The following SEC61A2 variants were observed in gnomAD, a reference collection of about 807,000 sequenced individuals.
SEC61A2 encodes SEC61 translocon subunit alpha 2.
A neutral mutation model predicts 59.9 loss-of-function variants in SEC61A2; 28 were observed. The observed-to-expected ratio is 0.47, with a 90% confidence interval of 0.35 to 0.64. The LOEUF is 0.64. SEC61A2 is among the 30% of genes least tolerant of loss of function. The pLI is 0.01. For missense variants in SEC61A2, 340 were observed against 585.9 expected, an observed-to-expected ratio of 0.58 and a Z score of 4.33; for synonymous variants, 202 against 214.4, an observed-to-expected ratio of 0.94 and a Z score of 0.50.
At chr10:12,157,769 G>C (rs1186088819) in intron 8 of SEC61A2, 139 bp from the exon 9 acceptor site, 1 of 729,244 alleles carries the variant, frequency 1.4e-6, no homozygotes, top group East Asian at 2.7e-5. Flanking sequence ...CCAAAGTGTT[G>C]GGATTACAGG....
chr10:12,135,509 T>C (rs375957976), intron 2 of SEC61A2, among the ~76,000 whole-genome samples: 1 of 152,232 alleles, frequency 6.6e-6, no homozygotes, highest in East Asian at 1.9e-4. Context: ...TTTTGTTACA[T>C]GAATGTATTA....
At position 12,160,840 on chromosome 10, in the gene SEC61A2, A is replaced by C. The variant is rs1834509122; in HGVS notation, c.976-90A>C. 1.1e-5 allele frequency: 12 copies of C among 1,125,868 alleles called. No individual in the cohort carries two copies. Among genetic ancestry groups the C allele is most frequent in the Admixed American group, 2.3e-5 (1 of 43,110 alleles). 69.7% of individuals were successfully genotyped at this position (1,125,868 alleles called of 1,614,324 possible). Reference sequence around the variant, plus strand: ...GCTGTAGATGCCTTGAACTTAAAACACTGTCATTTCTGAGAAGTTTGAAGT... The same window carrying C: ...GCTGTAGATGCCTTGAACTTAAAACCCTGTCATTTCTGAGAAGTTTGAAGT... On this transcript the variant is annotated intron_variant, in intron 9 of 11. Transcript: ENST00000298428. This position sits in a 1 kb window ranked among gnomAD's most constrained non-coding sequence, Gnocchi z 4.1.
Position 12,149,646 on chromosome 10 carries a change from T to C in SEC61A2, c.272T>C (p.Met91Thr). 6.2e-7 allele frequency: 1 copy of C among 1,613,532 alleles called. No individual in the cohort carries two copies. The highest frequency in any genetic ancestry group is 8.5e-7 in the Non-Finnish European group (1 of 1,179,654). Residue 91 changes from methionine (M) to threonine (T), a missense_variant, in exon 5 of 12, where the codon ATG (methionine) becomes ACG (threonine). Physicochemically the swap from Met to Thr is moderately conservative, Grantham distance 81 (BLOSUM62 -1). Transcript: ENST00000298428. The surrounding 1 kb of genome is among the most constrained non-coding windows in gnomAD (Gnocchi z 5.2). ...CCAATTGTAACATCTGGTTTGATTA[T>C]GCAGTTGTTAGCTGGAGCCAAAATC... Reference protein sequence around the residue: ...ISPIVTSGLIMQLLAGAKIIE... With the variant: ...ISPIVTSGLITQLLAGAKIIE...
chr10:12,161,411 C>T lies in SEC61A2; in HGVS notation c.1167+290C>T, dbSNP rs977285418. Among the ~76,000 whole-genome samples, 1 of 151,954 alleles carries T rather than the reference C, an allele frequency of 6.6e-6. No homozygotes were observed. The highest frequency in any genetic ancestry group is 1.5e-5 in the Non-Finnish European group (1 of 67,996). ...GCAGTGAGCCAAGATTGCACCACTG[C>T]ACTCCAGCCTGGGTGACAGAGCGAG... On this transcript the variant is annotated intron_variant, in intron 10 of 11. Transcript: ENST00000298428. The surrounding 1 kb of genome is among the most constrained non-coding windows in gnomAD (Gnocchi z 5.4).
Position 12,153,879 on chromosome 10 carries a change from C to A in SEC61A2, c.463-1899C>A. 1.4e-6 allele frequency: 2 copies of A among 1,423,780 alleles called. No homozygotes were observed. The highest frequency in any genetic ancestry group is 1.9e-6 in the Non-Finnish European group (2 of 1,059,314). The allele number at this position is 1,423,780 out of a possible 1,614,324, so 88.2% of individuals were successfully genotyped here. ...TCACCTTATTTGTTTATGTTTCATT[C>A]ACGTGGTTAGTGTTTTTCAGCTAGT... On this transcript the variant is annotated intron_variant, in intron 6 of 11. Transcript: ENST00000298428. The surrounding 1 kb of genome is among the most constrained non-coding windows in gnomAD (Gnocchi z 5.2).
At chr10:12,167,675 C>T (rs1015290091), downstream of SEC61A2, 6 of 1,608,648 alleles carry the variant, frequency 3.7e-6, no homozygotes, top group African/African-American at 8.0e-5. Flanking sequence ...GTCTCGTTTA[C>T]AAAAATGGCC....
At chr10:12,141,740 C>T (rs962556868) in intron 3 of SEC61A2, among the ~76,000 whole-genome samples, 6 of 152,270 alleles carry the variant, frequency 3.9e-5, no homozygotes, top group Middle Eastern at 6.8e-3. Context: ...TCTTAACAGT[C>T]GCACTCCTGA....
In SEC61A2 at chr10:12,154,394, C is replaced by G. The variant is rs527914308; in HGVS notation, c.463-1384C>G. 2.0e-4 allele frequency among the ~76,000 whole-genome samples: 30 copies of G among 152,112 alleles called. No homozygotes were observed. The highest frequency in any genetic ancestry group is 4.3e-4 in the Non-Finnish European group (29 of 68,026). On this transcript the variant is annotated intron_variant, in intron 6 of 11. Coordinates refer to ENST00000298428, the MANE Select transcript of SEC61A2 (RefSeq NM_018144.4). The surrounding 1 kb of genome is among the most constrained non-coding windows in gnomAD (Gnocchi z 5.2). ...GAGTTGTTTCAGAGCTGCTGTGGGA[C>G]TCTGGAGAGGTCATTTCTCAAGGCC...
In SEC61A2 at chr10:12,145,108, G is replaced by A. The variant is rs1412023781; in HGVS notation, c.220+1913G>A. Among the ~76,000 whole-genome samples the A allele has an allele frequency of 6.6e-6, 1 of 151,896 alleles. No individual in the cohort carries two copies. The highest frequency in any genetic ancestry group is 1.5e-5 in the Non-Finnish European group (1 of 67,944). On this transcript the variant is annotated intron_variant, in intron 4 of 11. Coordinates refer to ENST00000298428, the MANE Select transcript of SEC61A2 (RefSeq NM_018144.4). This position sits in a 1 kb window ranked among gnomAD's most constrained non-coding sequence, Gnocchi z 4.4. ...GGTGGAAGAAATGAAAGAAGAGGGA[G>A]GAGTGATGGGACCTGATGTTGCAGA...
rs568348721 is a variant in SEC61A2 at position 12,156,547 on chromosome 10, C to T, written c.617-360C>T. On this transcript the variant is annotated intron_variant, in intron 7 of 11. Transcript: ENST00000298428. The surrounding 1 kb of genome is among the most constrained non-coding windows in gnomAD (Gnocchi z 5.2). ...GAGTGACATCTGTCTCTTATTCTGA[C>T]ATCTCTGCTCTGCTTCGCTGCTGTT... 6.6e-6 allele frequency among the ~76,000 whole-genome samples: 1 copy of T among 152,290 alleles called. No individual in the cohort carries two copies. Among genetic ancestry groups the T allele is most frequent in the South Asian group, 2.1e-4 (1 of 4,820 alleles).
downstream of SEC61A2, chr10:12,169,705 A>G: frequency 8.9e-6 from 2 of 225,884 alleles, no homozygotes; most frequent in Non-Finnish European, 1.7e-5. This position sits in a 1 kb window ranked among gnomAD's most constrained non-coding sequence, Gnocchi z 4.8. Context: ...ATTTTATCCA[A>G]AGAAATCACA....
chr10:12,157,038 T>C lies in SEC61A2; in HGVS notation c.748T>C (p.Phe250Leu), dbSNP rs1458201438. ...TCTCATGAACCTCATTGCTACAGTT[T>C]TTGTGTTTGCTGTTGTTATATATTT... ...PNLMNLIATV[F>L]VFAVVIYFQG... The change falls in exon 8 of 12, where the codon TTT becomes CTT. Residue 250 changes from phenylalanine (F) to leucine (L), a missense_variant. Phe to Leu is a conservative substitution (Grantham distance 22). Coordinates refer to ENST00000298428, the MANE Select transcript of SEC61A2 (RefSeq NM_018144.4). 2 of 1,614,150 alleles carry C rather than the reference T, an allele frequency of 1.2e-6. No individual in the cohort carries two copies. Among genetic ancestry groups the C allele is most frequent in the Admixed American group, 3.3e-5 (2 of 60,002 alleles).
At chr10:12,167,596 C>A, downstream of SEC61A2, 2 of 1,110,798 alleles carry the variant, frequency 1.8e-6, no homozygotes, top group Non-Finnish European at 2.6e-6. Context: ...TTTTATTTTA[C>A]GAAAAAGCTA....
chr10:12,147,646 T>G (rs1834172362), intron 4 of SEC61A2, among the ~76,000 whole-genome samples: 3 of 150,820 alleles, frequency 2.0e-5, no homozygotes, highest in Admixed American at 1.3e-4. Context: ...GATCGTGCCA[T>G]TGTACTCCAG....
Position 12,165,392 on chromosome 10 carries a change from G to T in SEC61A2, c.*938G>T, listed in dbSNP as rs1588649525. On this transcript the variant is annotated 3_prime_UTR_variant, in exon 12 of 12. Coordinates refer to ENST00000298428, the MANE Select transcript of SEC61A2 (RefSeq NM_018144.4). The stretch of plus-strand genomic sequence containing the variant: ...ATTCAGTTGTGTTGGAAAAAATAAA[G>T]AAATCTGATATTAAACGTTTTCTAA... The T allele has an allele frequency of 4.2e-6, 4 of 948,372 alleles. No individual in the cohort carries two copies. The highest frequency in any genetic ancestry group is 5.0e-6 in the Non-Finnish European group (4 of 796,586). The allele number at this position is 948,372 out of a possible 1,614,324, so 58.7% of individuals were successfully genotyped here.
chr10:12,156,395 T>TTCCTCATCTCCACTTCTAACAGATACTG lies in SEC61A2; in HGVS notation c.616+469_617-480dup. Among the ~76,000 whole-genome samples the TTCCTCATCTCCACTTCTAACAGATACTG allele has an allele frequency of 6.6e-6, 1 of 152,312 alleles. No individual in the cohort carries two copies. Among genetic ancestry groups the TTCCTCATCTCCACTTCTAACAGATACTG allele is most frequent in the South Asian group, 2.1e-4 (1 of 4,824 alleles). The stretch of plus-strand genomic sequence containing the variant: ...GAAATATTTCATTCTCTCTTTCCCC[T>TTCCTCATCTCCACTTCTAACAGATACTG]TCCTCATCTCCACTTCTAACAGATA... On this transcript the variant is annotated intron_variant, in intron 7 of 11. Coordinates refer to ENST00000298428, the MANE Select transcript of SEC61A2 (RefSeq NM_018144.4). The surrounding 1 kb of genome is among the most constrained non-coding windows in gnomAD (Gnocchi z 5.2).
At position 12,143,263 on chromosome 10, in the gene SEC61A2, A is replaced by G. The variant is rs1226024957; in HGVS notation, c.220+68A>G. The G allele has an allele frequency of 1.1e-5, 13 of 1,162,046 alleles. 1 individual carries two copies. Among genetic ancestry groups the G allele is most frequent in the African/African-American group, 1.5e-5 (1 of 66,134 alleles). 72.0% of individuals were successfully genotyped at this position (1,162,046 alleles called of 1,614,324 possible). A position where few individuals can be genotyped will look rare whatever the true frequency, so the allele number is the denominator to read the frequency against. On this transcript the variant is annotated intron_variant, in intron 4 of 11. Transcript: ENST00000298428. The surrounding 1 kb of genome is among the most constrained non-coding windows in gnomAD (Gnocchi z 4.8). ...ACAGATGGAAACATGTGGATTAGCA[A>G]TGAGTTTTCAATGTCTACAGGGAGG...
Position 12,143,856 on chromosome 10 carries a change from C to T in SEC61A2, c.220+661C>T, listed in dbSNP as rs1369595927. Among the ~76,000 whole-genome samples, 3 of 152,182 alleles carry T rather than the reference C, an allele frequency of 2.0e-5. No homozygotes were observed. Among genetic ancestry groups the T allele is most frequent in the African/African-American group, 4.8e-5 (2 of 41,436 alleles). ...TGAGGATGCTGGACAGTGAGAGTAG[C>T]AAGGGGTACAACCAGTCGTGAGGTT... On this transcript the variant is annotated intron_variant, in intron 4 of 11. Coordinates refer to ENST00000298428, the MANE Select transcript of SEC61A2 (RefSeq NM_018144.4). The surrounding 1 kb of genome is among the most constrained non-coding windows in gnomAD (Gnocchi z 4.8).
At chr10:12,166,778 A>T (rs1484747288), downstream of SEC61A2, 1 of 488,768 alleles carries the variant, frequency 2.0e-6, no homozygotes, top group African/African-American at 2.0e-5. Flanking sequence ...AAACTCACTC[A>T]AGAAGCTAAG....
Sources: gnomAD v4.1 joint callset for allele counts (sites outside exome capture counted in the v4.1 genomes callset) on GRCh38, gnomAD v4.1.1 for gene constraint, Gnocchi (gnomAD v3.1) non-coding constraint, MANE v1.5 for transcripts, NCBI Gene and HGNC (gene_info 2026-07-23, HGNC 2026-07-21) for gene names.